Variants in SYNPR observed in about 807,000 individuals in gnomAD.
The protein encoded by SYNPR is synaptoporin.
A neutral mutation model predicts 32.9 loss-of-function variants in SYNPR; 23 were observed. The observed-to-expected ratio is 0.70, with a 90% CI of 0.50 to 0.99. The LOEUF is 0.99. SYNPR is among the 50% of genes least tolerant of loss of function. SYNPR has a pLI of 0.00. For missense variants in SYNPR, 318 were observed against 349.3 expected, an observed-to-expected ratio of 0.91 and a Z score of 0.71; for synonymous variants, 146 against 135.9, an observed-to-expected ratio of 1.07 and a Z score of -0.52.
At chr3:63,370,076 T>C (rs894216890) in intron 2 of SYNPR, among the ~76,000 whole-genome samples, 2 of 152,206 alleles carry the variant, frequency 1.3e-5, no homozygotes, top group Non-Finnish European at 2.9e-5. Context: ...TCCTTGTAGA[T>C]AATCCACATT....
At chr3:63,459,191 A>T (rs752194441) in intron 2 of SYNPR, among the ~76,000 whole-genome samples, 8 of 152,018 alleles carry the variant, frequency 5.3e-5, no homozygotes, top group Non-Finnish European at 1.0e-4. Flanking sequence ...GGCCCAAATT[A>T]CCTGTCCAGA....
At chr3:63,486,187 G>C (rs958567080) in intron 3 of SYNPR, among the ~76,000 whole-genome samples, 40 of 152,132 alleles carry the variant, frequency 2.6e-4, no homozygotes, top group African/African-American at 8.9e-4. Context: ...GGAATTACAG[G>C]TGTGGGCCAC....
chr3:63,300,998 T>C (rs1276518259), intron 2 of SYNPR, among the ~76,000 whole-genome samples: 1 of 152,132 alleles, frequency 6.6e-6, no homozygotes, highest in Non-Finnish European at 1.5e-5. Context: ...CGTAGAGTGT[T>C]GGAAATAGTT....
intron 3 of SYNPR, among the ~76,000 whole-genome samples, chr3:63,545,210 C>T (rs1702379237): frequency 6.6e-6 from 1 of 152,020 alleles, no homozygotes; most frequent in Non-Finnish European, 1.5e-5. Flanking sequence ...GAATTGTCAA[C>T]TGGTTTTATC....
the SYNPR span, among the ~76,000 whole-genome samples, chr3:63,218,951 G>A: frequency 6.6e-6 from 1 of 152,180 alleles, no homozygotes; most frequent in Non-Finnish European, 1.5e-5. Context: ...TAGGTATGAT[G>A]CTATATGCAG....
intron 2 of SYNPR, among the ~76,000 whole-genome samples, chr3:63,470,937 T>C (rs550436567): frequency 2.6e-5 from 4 of 152,330 alleles, no homozygotes; most frequent in South Asian, 4.1e-4. Context: ...GGTCAGACTT[T>C]CTGTTATCTA....
intron 3 of SYNPR, among the ~76,000 whole-genome samples, chr3:63,515,527 T>C (rs549951291): frequency 1.3e-5 from 2 of 152,282 alleles, no homozygotes; most frequent in South Asian, 4.1e-4. Flanking sequence ...AAGAAAACAG[T>C]CTTTCCTCAA....
chr3:63,428,726 A>C (rs1415445425), intron 2 of SYNPR, among the ~76,000 whole-genome samples: 2 of 152,174 alleles, frequency 1.3e-5, no homozygotes, highest in Non-Finnish European at 2.9e-5. Flanking sequence ...GGGATAATAG[A>C]TCATGTGTCT....
intron 2 of SYNPR, among the ~76,000 whole-genome samples, chr3:63,255,762 G>C (rs1028635693): frequency 6.6e-6 from 1 of 152,136 alleles, no homozygotes; most frequent in African/African-American, 2.4e-5. Flanking sequence ...AGGACAGTGG[G>C]TGCAGTGCAC....
At chr3:63,348,479 T>G (rs543400943) in intron 2 of SYNPR, among the ~76,000 whole-genome samples, 1 of 152,344 alleles carries the variant, frequency 6.6e-6, no homozygotes, top group South Asian at 2.1e-4. Context: ...ATTTTCCAAG[T>G]TGTGTGTTCA....
intron 3 of SYNPR, among the ~76,000 whole-genome samples, chr3:63,531,649 C>G (rs1228627227): frequency 6.6e-6 from 1 of 152,164 alleles, no homozygotes. Flanking sequence ...CAGTCCGCAA[C>G]AGCCAATATG....
intron 2 of SYNPR, among the ~76,000 whole-genome samples, chr3:63,364,477 A>G (rs1357295276): frequency 6.6e-6 from 1 of 152,198 alleles, no homozygotes; most frequent in Non-Finnish European, 1.5e-5. Context: ...CTTTTTTTAA[A>G]ATTTGGCTTC....
rs1560212989 is a variant in SYNPR, at chr3:63,386,631, T to TTCCTTCCTTC, written c.85-94201_85-94200insTCCTTCCTTC. On this transcript the variant is annotated intron_variant, in intron 2 of 5. Transcript: ENST00000478300. Reference sequence around the variant, plus strand: ...TCCTTCCTTCCTTCCTTCCTTCCTTTCTTTATTTTCCCTCCTTAGCACACA... The same window carrying TTCCTTCCTTC: ...TCCTTCCTTCCTTCCTTCCTTCCTTTTCCTTCCTTCCTTTATTTTCCCTCCTTAGCACACA... Among the ~76,000 whole-genome samples the TTCCTTCCTTC allele has an allele frequency of 1.8e-3, 140 of 79,154 alleles. 1 individual carries two copies. Among genetic ancestry groups the TTCCTTCCTTC allele is most frequent in the African/African-American group, 9.2e-3 (137 of 14,948 alleles). 51.9% of individuals were successfully genotyped at this position (79,154 alleles called of 152,430 possible).
the SYNPR span, among the ~76,000 whole-genome samples, chr3:63,220,613 C>T: frequency 2.0e-5 from 3 of 152,126 alleles, no homozygotes; most frequent in African/African-American, 7.2e-5. Context: ...TGAAAGTCAC[C>T]CCAGCCTCCC....
chr3:63,271,392 GAATAAGGA>G (rs1329407450), intron 3 of SYNPR, among the ~76,000 whole-genome samples: 1 of 152,086 alleles, frequency 6.6e-6, no homozygotes, highest in Non-Finnish European at 1.5e-5. Context: ...GGTTAGGAAG[GAATAAGGA>G]AATGATCCTT....
chr3:63,218,304 C>A, the SYNPR span, among the ~76,000 whole-genome samples: 1 of 152,150 alleles, frequency 6.6e-6, no homozygotes, highest in Non-Finnish European at 1.5e-5. Context: ...TGCTGTTTCC[C>A]CATTGTTCTC....
chr3:63,521,675 G>A (rs573663032), intron 3 of SYNPR, among the ~76,000 whole-genome samples: 1 of 152,286 alleles, frequency 6.6e-6, no homozygotes, highest in South Asian at 2.1e-4. Context: ...TATGCAAAGT[G>A]GTTCAGGAAA....
chr3:63,421,180 G>C (rs576412848), intron 2 of SYNPR, among the ~76,000 whole-genome samples: 1 of 152,270 alleles, frequency 6.6e-6, no homozygotes, highest in African/African-American at 2.4e-5. Context: ...ACTATGCCCA[G>C]CTTCTAATAG....
At position 63,234,138 on chromosome 3, in the gene SYNPR, A is replaced by G. The variant is rs145570148; in HGVS notation, n.66+5758A>G. ...TCCACATGGCTGGGGAGGCCTCATA[A>G]TCATGGTGGAAGGCAAGGAGGAGCA... On this transcript the variant is annotated intron_variant and non_coding_transcript_variant, in intron 1 of 4. Coordinates refer to the SYNPR transcript ENST00000478456. Among the ~76,000 whole-genome samples, 890 of 152,266 alleles carry G rather than the reference A, an allele frequency of 5.8e-3. 24 individuals carry two copies. Among genetic ancestry groups the G allele is most frequent in the East Asian group, 0.056 (289 of 5,178 alleles).
Sources: allele counts gnomAD v4.1 joint callset (sites outside exome capture counted in the v4.1 genomes callset), GRCh38; gene constraint gnomAD v4.1.1; transcripts MANE v1.5; gene names NCBI Gene and HGNC (gene_info 2026-07-23, HGNC 2026-07-21).